ODAD2: variants seen among roughly 807,000 people sequenced by gnomAD.
ODAD2 encodes the protein outer dynein arm-docking complex subunit 2.
ODAD2 carries 89 observed loss-of-function variants against 106.8 expected under a neutral mutation model. The observed-to-expected ratio is 0.83, with a 90% confidence interval of 0.70 to 0.99. The LOEUF is 0.99. Ranked by LOEUF, ODAD2 falls within the 50% of genes least tolerant of loss-of-function variation. ODAD2 has a pLI of 0.00. For synonymous variants in ODAD2, 404 were observed against 436.2 expected, an observed-to-expected ratio of 0.93 and a Z score of 0.92; for missense variants, 1,168 against 1,238.5, an observed-to-expected ratio of 0.94 and a Z score of 0.85.
intron 1 of ODAD2, among the ~76,000 whole-genome samples, chr10:27,996,947 T>C (rs1850589728): frequency 6.6e-6 from 1 of 152,234 alleles, no homozygotes; most frequent in Non-Finnish European, 1.5e-5. Context: ...TCTTTCATTT[T>C]ACAGTTAGCA....
At chr10:27,813,950 A>G (rs1023356700) in intron 19 of ODAD2, among the ~76,000 whole-genome samples, 1 of 152,210 alleles carries the variant, frequency 6.6e-6, no homozygotes, top group South Asian at 2.1e-4. Context: ...TGGCCCCAGA[A>G]CAACTGCTTA....
intron 12 of ODAD2, among the ~76,000 whole-genome samples, chr10:27,942,928 GA>G (rs1205662576): frequency 6.6e-6 from 1 of 152,190 alleles, no homozygotes; most frequent in African/African-American, 2.4e-5. Context: ...ATGTCTTTTG[GA>G]AAATTTCTGA....
chr10:27,952,977 CTT>C (rs1847466995), intron 10 of ODAD2, among the ~76,000 whole-genome samples: 1 of 151,964 alleles, frequency 6.6e-6, no homozygotes, highest in African/African-American at 2.4e-5. Context: ...TTGTTTTTCT[CTT>C]TGTTTTAGAC....
chr10:27,943,891 A>G (rs1846652497), intron 12 of ODAD2, among the ~76,000 whole-genome samples: 1 of 149,928 alleles, frequency 6.7e-6, no homozygotes, highest in South Asian at 2.1e-4. Context: ...AGTTTTCAGC[A>G]TTCCACCGAG....
chr10:27,824,468 A>G lies in ODAD2; in HGVS notation c.3022-11843T>C, dbSNP rs1352654628. Among the ~76,000 whole-genome samples the G allele has an allele frequency of 2.0e-5, 3 of 152,314 alleles. No homozygotes were observed. In the East Asian group the frequency reaches 5.8e-4, roughly 29 times the overall value. On this transcript the variant is annotated intron_variant, in intron 19 of 19. Transcript: ENST00000305242. ...TGCTTCCACCTACTGCCCTTCTGCC[A>G]TGGAATGACCCTTGACAGATGCTGG...
intron 10 of ODAD2, among the ~76,000 whole-genome samples, chr10:27,946,505 C>A (rs1334198011): frequency 6.6e-6 from 1 of 152,096 alleles, no homozygotes; most frequent in African/African-American, 2.4e-5. Context: ...TCACCTTAAA[C>A]ACATCTTTTT....
chr10:27,942,049 G>C (rs10826370), intron 12 of ODAD2, among the ~76,000 whole-genome samples: 86,197 of 151,896 alleles, frequency 0.57, 24,711 homozygotes, highest in Middle Eastern at 0.66. Flanking sequence ...GGTGGGATAG[G>C]AACGTGGGAA....
At chr10:27,860,893 G>T in intron 18 of ODAD2, 47 bp from the exon 19 acceptor site, 2 of 1,506,676 alleles carry the variant, frequency 1.3e-6, no homozygotes, top group Non-Finnish European at 1.8e-6. Flanking sequence ...TAATGACCCT[G>T]CAAGATCATG....
At chr10:27,853,524 G>T (rs952411773) in intron 19 of ODAD2, among the ~76,000 whole-genome samples, 4 of 151,962 alleles carry the variant, frequency 2.6e-5, no homozygotes, top group African/African-American at 7.2e-5. Context: ...AAAACCAAGG[G>T]TGTCTATATT....
intron 19 of ODAD2, among the ~76,000 whole-genome samples, chr10:27,838,693 T>G (rs1192402309): frequency 2.0e-5 from 3 of 152,234 alleles, no homozygotes; most frequent in Non-Finnish European, 4.4e-5. Context: ...GCACACTGAT[T>G]GAATTTGGCA....
intron 19 of ODAD2, among the ~76,000 whole-genome samples, chr10:27,848,574 T>C (rs1031355968): frequency 1.3e-5 from 2 of 152,086 alleles, no homozygotes; most frequent in Admixed American, 1.3e-4. Flanking sequence ...CTAATTAAAC[T>C]AAAGAGCTCC....
intron 17 of ODAD2, among the ~76,000 whole-genome samples, chr10:27,878,817 G>A (rs1343990937): frequency 6.6e-6 from 1 of 151,976 alleles, no homozygotes; most frequent in Admixed American, 6.6e-5. Flanking sequence ...ATCACAATAA[G>A]ATCCTTGTTC....
chr10:27,927,978 C>T (rs938612640), intron 16 of ODAD2, among the ~76,000 whole-genome samples: 5 of 152,110 alleles, frequency 3.3e-5, no homozygotes, highest in Non-Finnish European at 5.9e-5. Flanking sequence ...AAGCTTTAGA[C>T]ATGAATACCC....
chr10:27,866,661 G>T (rs1564444297), intron 17 of ODAD2, among the ~76,000 whole-genome samples: 1 of 152,186 alleles, frequency 6.6e-6, no homozygotes, highest in Non-Finnish European at 1.5e-5. Context: ...GGTAGAAGGT[G>T]AAAGGAAGTA....
chr10:27,862,130 G>A (rs1046877864), intron 18 of ODAD2, among the ~76,000 whole-genome samples: 7 of 152,088 alleles, frequency 4.6e-5, no homozygotes, highest in Admixed American at 3.3e-4. Flanking sequence ...TGATGGTGGC[G>A]GTGAAGATGA....
intron 19 of ODAD2, among the ~76,000 whole-genome samples, chr10:27,825,865 C>G (rs1046037371): frequency 3.3e-5 from 5 of 152,206 alleles, no homozygotes; most frequent in Admixed American, 1.3e-4. Context: ...TTGTTAACAC[C>G]TGAGCTACTG....
intron 19 of ODAD2, among the ~76,000 whole-genome samples, chr10:27,835,035 G>C (rs1032660358): frequency 2.6e-5 from 4 of 152,194 alleles, no homozygotes; most frequent in Non-Finnish European, 5.9e-5. Flanking sequence ...AAGGCGCAGG[G>C]GTTGCGGCAC....
intron 12 of ODAD2, among the ~76,000 whole-genome samples, chr10:27,941,183 C>T (rs1183995221): frequency 6.6e-6 from 1 of 152,118 alleles, no homozygotes; most frequent in Non-Finnish European, 1.5e-5. Context: ...GGACTATACA[C>T]CTTAAAGCCA....
chr10:27,968,884 G>A (rs1339238905), intron 9 of ODAD2, 39 bp downstream of exon 9: 1 of 553,256 alleles, frequency 1.8e-6, no homozygotes, highest in Non-Finnish European at 3.3e-6. Flanking sequence ...CTGCGTGAGG[G>A]TGGCTTTAGG....
Sources: gnomAD v4.1 joint callset for allele counts (sites outside exome capture counted in the v4.1 genomes callset) on GRCh38, gnomAD v4.1.1 for gene constraint, MANE v1.5 for transcripts, NCBI Gene and HGNC (gene_info 2026-07-23, HGNC 2026-07-21) for gene names.